EHBP1L1: variants seen among roughly 807,000 people sequenced by gnomAD.
EHBP1L1 encodes EH domain-binding protein 1-like protein 1.
A neutral mutation model predicts 151.1 loss-of-function variants in EHBP1L1; 122 were observed. That is an observed-to-expected ratio of 0.81 (90% CI 0.70 to 0.94). EHBP1L1 has a LOEUF of 0.94. Ranked by LOEUF, EHBP1L1 falls within the 40% of genes least tolerant of loss-of-function variation. EHBP1L1 has a pLI of 0.00. For synonymous variants in EHBP1L1, 878 were observed against 810.1 expected (o/e 1.08, Z -1.42); for missense variants, 1,941 against 1,959.8 (o/e 0.99, Z 0.18).
intron 1 of EHBP1L1, 83 bp downstream of exon 1, chr11:65,576,489 C>T: frequency 1.5e-6 from 2 of 1,308,776 alleles, no homozygotes; most frequent in Non-Finnish European, 2.1e-6. Context: ...ACTCTGCCCC[C>T]CCAGCCCAAT....
intron 6 of EHBP1L1, chr11:65,580,839 C>T: frequency 8.1e-7 from 1 of 1,232,422 alleles, no homozygotes; most frequent in Non-Finnish European, 1.1e-6. Context: ...CTCATTCCTC[C>T]CTGCTGCTTG....
chr11:65,589,975 G>T lies in EHBP1L1; in HGVS notation c.4043G>T (p.Gly1348Val), dbSNP rs993818135. ...SPSEEPPPSPGEEAGLQRFQD... is the reference protein window; with the variant it reads ...SPSEEPPPSPVEEAGLQRFQD... Reference sequence around the variant, plus strand: ...TCGGAGGAACCACCCCCAAGCCCAGGGGAGGAGGCTGGGCTGGTAAGGAGG... The same window carrying T: ...TCGGAGGAACCACCCCCAAGCCCAGTGGAGGAGGCTGGGCTGGTAAGGAGG... The change falls in exon 14 of 19, where the codon GGG becomes GTG. Residue 1348 changes from glycine to valine, a missense_variant. Transcript: ENST00000309295. 5.6e-6 allele frequency: 9 copies of T among 1,593,580 alleles called. No individual in the cohort carries two copies. In the African/African-American group the frequency reaches 9.4e-5, roughly 17 times the overall value.
At position 65,585,316 on chromosome 11, in the gene EHBP1L1, G is replaced by A. The variant is rs2135294483; in HGVS notation, c.3658G>A (p.Asp1220Asn). 9.2e-7 allele frequency: 1 copy of A among 1,081,630 alleles called. No homozygotes were observed. The highest frequency in any genetic ancestry group is 5.9e-5 in the East Asian group (1 of 16,888). 67.0% of individuals were successfully genotyped at this position (1,081,630 alleles called of 1,614,324 possible). A position where few individuals can be genotyped will look rare whatever the true frequency, so the allele number is the denominator to read the frequency against. ...CGCGGTCGCGGGCCGCGCCTCCAAG[G>A]ACGGCGGGGCCGAGGCCCCCCGAGA... The part of the protein sequence containing the change: ...RNAVAGRASK[D>N]GGAEAPRESR... Residue 1220 changes from aspartate (D) to asparagine (N), a missense_variant, in exon 12 of 19, where the codon GAC becomes AAC. Coordinates refer to ENST00000309295, the MANE Select transcript of EHBP1L1 (RefSeq NM_001099409.3). The surrounding 1 kb of genome is among the most constrained non-coding windows in gnomAD (Gnocchi z 4.0).
At position 65,580,455 on chromosome 11, in the gene EHBP1L1, G is replaced by A. The variant is rs1457319869; in HGVS notation, c.610G>A (p.Ala204Thr). The A allele has an allele frequency of 8.1e-6, 13 of 1,612,904 alleles. 1 individual carries two copies. In the South Asian group the frequency reaches 1.4e-4, roughly 18 times the overall value. The change falls in exon 6 of 19, where the codon GCC becomes ACC. Residue 204 changes from alanine to threonine, a missense_variant. Transcript: ENST00000309295. ...DEAHGPGAPE[A>T]RARVPQPDPS... is the part of the protein sequence containing the mutation. Reference sequence around the variant, plus strand: ...GGCTCATGGCCCAGGAGCCCCGGAGGCCCGGGCTCGAGTCCCCCAGCCAGG... The same window carrying A: ...GGCTCATGGCCCAGGAGCCCCGGAGACCCGGGCTCGAGTCCCCCAGCCAGG...
rs756867739 is a variant in EHBP1L1 at position 65,582,876 on chromosome 11, G to A, written c.2204G>A (p.Gly735Glu). The A allele has an allele frequency of 1.1e-4, 183 of 1,613,458 alleles. No individual in the cohort carries two copies. Among genetic ancestry groups the A allele is most frequent in the Non-Finnish European group, 1.4e-4 (167 of 1,179,810 alleles). The change falls in exon 9 of 19, where the codon GGG becomes GAG. Residue 735 changes from glycine to glutamate, a missense_variant. By Grantham distance (98) the Gly-to-Glu change is moderately conservative (BLOSUM62 -2). Coordinates refer to ENST00000309295, the MANE Select transcript of EHBP1L1 (RefSeq NM_001099409.3). ...CAGGAGATAACAGCTAGGGATTCAG[G>A]GGTCAGAGAGATAGAAGCAGAGATA... Reference protein sequence around the residue: ...GTQEITARDSGVREIEAEIAE... With the variant: ...GTQEITARDSEVREIEAEIAE...
chr11:65,590,141 C>G lies in EHBP1L1; in HGVS notation c.4114C>G (p.Gln1372Glu), dbSNP rs771296783. 5.6e-6 allele frequency: 9 copies of G among 1,613,832 alleles called. No homozygotes were observed. The highest frequency in any genetic ancestry group is 1.6e-4 in the Middle Eastern group (1 of 6,062). ...YVCAELQALE[Q>E]EQRQIDGRAA... is the part of the protein sequence containing the mutation. ...GTGTGCAGAGCTGCAGGCCCTGGAA[C>G]AGGAGCAGAGGCAGATAGATGGGCG... Residue 1372 changes from glutamine (Q) to glutamate (E), a missense_variant, in exon 15 of 19, where the codon CAG becomes GAG. Physicochemically the swap from Gln to Glu is conservative, Grantham distance 29. Coordinates refer to ENST00000309295, the MANE Select transcript of EHBP1L1 (RefSeq NM_001099409.3).
At chr11:65,591,774 G>T in intron 16 of EHBP1L1, 26 bp from the exon 17 acceptor site, 5 of 373,928 alleles carry the variant, frequency 1.3e-5, no homozygotes, top group South Asian at 7.6e-5. Context: ...CCACCCCCCC[G>T]CCACCCACCC....
chr11:65,582,339 G>C lies in EHBP1L1; in HGVS notation c.1667G>C (p.Gly556Ala), dbSNP rs759410198. Residue 556 changes from glycine (G) to alanine (A), a missense_variant, in exon 9 of 19, where the codon GGT (glycine) becomes GCT (alanine). Coordinates refer to ENST00000309295, the MANE Select transcript of EHBP1L1 (RefSeq NM_001099409.3). ...LSTAQGAISR[G>A]LGGWEAEAGG... is the part of the protein sequence containing the mutation. ...ACTGCCCAGGGGGCAATATCCAGGG[G>C]TCTGGGAGGCTGGGAGGCAGAAGCT... 2 of 1,569,458 alleles carry C rather than the reference G, an allele frequency of 1.3e-6. No homozygotes were observed. The highest frequency in any genetic ancestry group is 1.7e-6 in the Non-Finnish European group (2 of 1,160,878).
Position 65,584,782 on chromosome 11 carries a change from G to A in EHBP1L1, c.3301-177G>A, listed in dbSNP as rs544421264. The A allele has an allele frequency of 6.9e-6, 7 of 1,010,744 alleles. No homozygotes were observed. In the African/African-American group the frequency reaches 1.1e-4, roughly 16 times the overall value. 62.6% of individuals were successfully genotyped at this position (1,010,744 alleles called of 1,614,324 possible). A position where few individuals can be genotyped will look rare whatever the true frequency, so the allele number is the denominator to read the frequency against. ...GTAACGGGGTGGACGGTGTGCCGTT[G>A]CTAAGCAACGCGAGGGCGGGCCTTG... On this transcript the variant is annotated intron_variant, in intron 11 of 18. Coordinates refer to ENST00000309295, the MANE Select transcript of EHBP1L1 (RefSeq NM_001099409.3).
At position 65,585,632 on chromosome 11, in the gene EHBP1L1, G is replaced by A. The variant is rs768084328; in HGVS notation, c.3933+41G>A. 6 of 1,536,546 alleles carry A rather than the reference G, an allele frequency of 3.9e-6. No homozygotes were observed. In the East Asian group the frequency reaches 1.5e-4, roughly 37 times the overall value. ...CTTCTTTCTTCCCCCGCCGCAGCGC[G>A]GGGTCCCGGGAAGATGGGCAGAGAA... On this transcript the variant is annotated intron_variant, in intron 12 of 18. Coordinates refer to ENST00000309295, the MANE Select transcript of EHBP1L1 (RefSeq NM_001099409.3). This position sits in a 1 kb window ranked among gnomAD's most constrained non-coding sequence, Gnocchi z 4.0.
Position 65,584,487 on chromosome 11 carries a change from G to T in EHBP1L1, c.3253G>T (p.Asp1085Tyr). The change falls in exon 11 of 19, where the codon GAC becomes TAC. Residue 1085 changes from aspartate to tyrosine, a missense_variant and splice_region_variant. Transcript: ENST00000309295. ...CTCTGACCAGCACACTCTCTGCAGT[G>T]ACTATGCCTCGCTAGACCCACTCAA... Reference protein sequence around the residue: ...ILHRFYPDKIDYASLDPLNIK... With the variant: ...ILHRFYPDKIYYASLDPLNIK... 6.2e-7 allele frequency: 1 copy of T among 1,613,294 alleles called. No individual in the cohort carries two copies. The highest frequency in any genetic ancestry group is 8.5e-7 in the Non-Finnish European group (1 of 1,179,752).
chr11:65,585,372 G>A lies in EHBP1L1; in HGVS notation c.3714G>A (p.Gly1238=). 1 of 1,210,310 alleles carries A rather than the reference G, an allele frequency of 8.3e-7. No individual in the cohort carries two copies. The highest frequency in any genetic ancestry group is 1.0e-6 in the Non-Finnish European group (1 of 971,322). The allele number at this position is 1,210,310 out of a possible 1,614,324, so 75.0% of individuals were successfully genotyped here. A position where few individuals can be genotyped will look rare whatever the true frequency, so the allele number is the denominator to read the frequency against. The part of the protein sequence containing the change: ...ESRPAEVPAE[G]LVNGAGAPGG... ...GACCCGCGGAGGTCCCGGCCGAGGG[G>A]CTGGTGAACGGGGCGGGGGCACCGG... Residue 1238 remains glycine (G), a synonymous_variant, in exon 12 of 19, where the codon GGG becomes GGA. Transcript: ENST00000309295. This position sits in a 1 kb window ranked among gnomAD's most constrained non-coding sequence, Gnocchi z 4.0.
chr11:65,591,021 ACT>A (rs912200721), intron 16 of EHBP1L1, among the ~76,000 whole-genome samples: 6 of 151,838 alleles, frequency 4.0e-5, no homozygotes, highest in African/African-American at 1.2e-4. Flanking sequence ...AAAGAGTGAG[ACT>A]CTGTCTCAAA....
Position 65,576,247 on chromosome 11 carries a change from T to C in EHBP1L1, c.-56T>C. ...ATGGGGACCCGGGCCGGGCCAGCGGTGGCGGGCCAGCGGGAGCCCCGGGCC... is the reference window on the plus strand; with the variant it reads ...ATGGGGACCCGGGCCGGGCCAGCGGCGGCGGGCCAGCGGGAGCCCCGGGCC... On this transcript the variant is annotated 5_prime_UTR_variant, in exon 1 of 19. Transcript: ENST00000309295. 6.8e-7 allele frequency: 1 copy of C among 1,477,082 alleles called. No individual in the cohort carries two copies. The highest frequency in any genetic ancestry group is 9.0e-7 in the Non-Finnish European group (1 of 1,108,290). The allele number at this position is 1,477,082 out of a possible 1,614,324, so 91.5% of individuals were successfully genotyped here. A position where few individuals can be genotyped will look rare whatever the true frequency, so the allele number is the denominator to read the frequency against.
intron 3 of EHBP1L1, 54 bp from the exon 4 acceptor site, chr11:65,579,882 C>CTT (rs1490045973): frequency 6.3e-7 from 1 of 1,589,722 alleles, no homozygotes; most frequent in Non-Finnish European, 8.6e-7. Context: ...ACAAGCTCTG[C>CTT]TCCCTTTGCT....
At chr11:65,584,879 C>T in intron 11 of EHBP1L1, 80 bp from the exon 12 acceptor site, 1 of 1,491,906 alleles carries the variant, frequency 6.7e-7, no homozygotes, top group Non-Finnish European at 8.9e-7. Context: ...CCGGGGACCC[C>T]CTCCGTGGGG....
intron 16 of EHBP1L1, 25 bp from the exon 17 acceptor site, chr11:65,591,775 C>T: frequency 8.8e-7 from 1 of 1,139,592 alleles, no homozygotes. Flanking sequence ...CACCCCCCCG[C>T]CACCCACCCC....
In EHBP1L1 at chr11:65,582,106, G is replaced by A. The variant is rs747309216; in HGVS notation, c.1434G>A (p.Leu478=). Residue 478 remains leucine (L), a synonymous_variant, in exon 9 of 19, where the codon CTG becomes CTA. Coordinates refer to ENST00000309295, the MANE Select transcript of EHBP1L1 (RefSeq NM_001099409.3). ...VRTRDEAPSG[L]SLPPAEPAGH... ...CCAGGGATGAGGCTCCCTCAGGCCT[G>A]AGCCTGCCCCCAGCGGAGCCTGCAG... is the stretch of plus-strand genomic sequence containing the variant. The A allele has an allele frequency of 5.0e-6, 8 of 1,603,926 alleles. No individual in the cohort carries two copies. The highest frequency in any genetic ancestry group is 2.2e-5 in the South Asian group (2 of 90,426).
chr11:65,584,884 G>A, intron 11 of EHBP1L1, 75 bp from the exon 12 acceptor site: 1 of 1,496,058 alleles, frequency 6.7e-7, no homozygotes, highest in Admixed American at 2.4e-5. Flanking sequence ...GACCCCCTCC[G>A]TGGGGCGGCA....
Sources: allele counts gnomAD v4.1 joint callset (sites outside exome capture counted in the v4.1 genomes callset), GRCh38; gene constraint gnomAD v4.1.1; non-coding constraint Gnocchi (gnomAD v3.1); transcripts MANE v1.5; gene names NCBI Gene and HGNC (gene_info 2026-07-23, HGNC 2026-07-21).